Variants in SMCO2 observed in about 807,000 individuals in gnomAD.
SMCO2 encodes single-pass membrane and coiled-coil domain-containing protein 2.
A neutral mutation model predicts 29.5 loss-of-function variants in SMCO2; 25 were observed. The observed-to-expected ratio is 0.85, with a 90% CI of 0.62 to 1.18. The LOEUF is 1.18. SMCO2 is among the 50% of genes most tolerant of loss of function. The pLI is 0.00. For missense variants in SMCO2, 348 were observed against 344.5 expected (o/e 1.01, Z -0.08); for synonymous variants, 117 against 123.3 (o/e 0.95, Z 0.34).
intron 7 of SMCO2, among the ~76,000 whole-genome samples, chr12:27,501,138 C>A (rs545076026): frequency 6.6e-6 from 1 of 150,386 alleles, no homozygotes; most frequent in African/African-American, 2.5e-5. Context: ...TTCTATTGGC[C>A]GGGCGCGGTG....
chr12:27,450,962 C>T, the SMCO2 span, among the ~76,000 whole-genome samples: 8 of 152,140 alleles, frequency 5.3e-5, no homozygotes, highest in Admixed American at 3.3e-4. Context: ...ATTTTAGAAG[C>T]TTTAGGAGAC....
chr12:27,431,866 A>G, the SMCO2 span, among the ~76,000 whole-genome samples: 1 of 152,156 alleles, frequency 6.6e-6, no homozygotes, highest in Non-Finnish European at 1.5e-5. Flanking sequence ...ACCATTTTAC[A>G]TTGCAATCAC....
chr12:27,433,506 TAC>T, the SMCO2 span, among the ~76,000 whole-genome samples: 7,212 of 147,876 alleles, frequency 0.049, 238 homozygotes, highest in East Asian at 0.13. Flanking sequence ...CAGATGTGTA[TAC>T]ACACACACAC....
chr12:27,439,539 C>T, the SMCO2 span, among the ~76,000 whole-genome samples: 1 of 152,126 alleles, frequency 6.6e-6, no homozygotes, highest in Non-Finnish European at 1.5e-5. Context: ...AATTTGTGAG[C>T]TCCCCAACCA....
the SMCO2 span, among the ~76,000 whole-genome samples, chr12:27,445,766 AC>A: frequency 6.6e-6 from 1 of 152,336 alleles, no homozygotes; most frequent in South Asian, 2.1e-4. Context: ...GGTGGCTTAA[AC>A]AACAGAAATT....
exon 2 of SMCO2, chr12:27,470,641 A>T: frequency 6.4e-6 from 10 of 1,550,992 alleles, no homozygotes; most frequent in Non-Finnish European, 8.7e-6. Flanking sequence ...AATGGCTCTC[A>T]CGCCCACAAA....
chr12:27,501,442 C>CAAACA (rs1158773055), intron 7 of SMCO2, among the ~76,000 whole-genome samples: 3 of 131,082 alleles, frequency 2.3e-5, no homozygotes, highest in Non-Finnish European at 4.8e-5. Flanking sequence ...AAAAAACAAA[C>CAAACA]AAACAAAACA....
At chr12:27,489,363 CTTA>C (rs1320946535) in intron 5 of SMCO2, among the ~76,000 whole-genome samples, 1 of 152,096 alleles carries the variant, frequency 6.6e-6, no homozygotes, top group African/African-American at 2.4e-5. Flanking sequence ...GTTCCATTTT[CTTA>C]TTAGTAATAG....
At chr12:27,459,187 A>G in the SMCO2 span, among the ~76,000 whole-genome samples, 4 of 9,694 alleles carry the variant, frequency 4.1e-4, no homozygotes, top group African/African-American at 1.8e-3. Context: ...ACTCCATCTC[A>G]AAAAAAAAAA....
the SMCO2 span, chr12:27,423,337 TTTTTTTTTTTG>T: frequency 7.1e-6 from 1 of 140,934 alleles, no homozygotes; most frequent in African/African-American, 2.7e-5. Context: ...TTTTTTTTTT[TTTTTTTTTTTG>T]AGATGGAGTC....
At chr12:27,461,439 T>C in the SMCO2 span, among the ~76,000 whole-genome samples, 12 of 152,300 alleles carry the variant, frequency 7.9e-5, no homozygotes, top group African/African-American at 2.9e-4. Context: ...CCAGCGTCTG[T>C]TGTTCCCTCC....
chr12:27,493,462 G>T (rs1942954963), intron 5 of SMCO2, among the ~76,000 whole-genome samples: 1 of 152,084 alleles, frequency 6.6e-6, no homozygotes, highest in South Asian at 2.1e-4. Flanking sequence ...AGCCTGGGGA[G>T]ATGGAGGCTG....
the SMCO2 span, among the ~76,000 whole-genome samples, chr12:27,439,809 AAAG>A: frequency 6.6e-6 from 1 of 152,150 alleles, no homozygotes; most frequent in Non-Finnish European, 1.5e-5. Context: ...GAAAAAAGAA[AAAG>A]AAGAACAAGG....
the SMCO2 span, among the ~76,000 whole-genome samples, chr12:27,431,100 C>G: frequency 6.6e-6 from 1 of 152,032 alleles, no homozygotes; most frequent in African/African-American, 2.4e-5. Context: ...ACTGCAACCT[C>G]CGCCTCCTGG....
chr12:27,429,625 T>C, the SMCO2 span, among the ~76,000 whole-genome samples: 1 of 152,138 alleles, frequency 6.6e-6, no homozygotes, highest in East Asian at 1.9e-4. Context: ...AGAATGAGTA[T>C]AGAATAGGAA....
intron 7 of SMCO2, chr12:27,497,711 T>C (rs2616344): frequency 0.2 from 29,869 of 150,674 alleles, 5,149 homozygotes; most frequent in African/African-American, 0.43. Flanking sequence ...CCAGTTTGGG[T>C]AACAGAGTGA....
chr12:27,466,502 G>A (rs1949499690), upstream of SMCO2, among the ~76,000 whole-genome samples: 1 of 152,264 alleles, frequency 6.6e-6, no homozygotes, highest in South Asian at 2.1e-4. Context: ...TTGAGCCTCT[G>A]TGGGAAAGCC....
chr12:27,488,956 G>A (rs554366777), intron 5 of SMCO2, among the ~76,000 whole-genome samples: 2 of 152,282 alleles, frequency 1.3e-5, no homozygotes, highest in African/African-American at 2.4e-5. Context: ...AAGAGTTCTT[G>A]TGTTGGTTTT....
chr12:27,475,833 T>G, intron 4 of SMCO2, 102 bp downstream of exon 5: 1 of 1,115,410 alleles, frequency 9.0e-7, no homozygotes, highest in East Asian at 3.0e-5. Flanking sequence ...CTTTAGGCCA[T>G]AGGTATACTT....
Sources: allele counts gnomAD v4.1 joint callset (sites outside exome capture counted in the v4.1 genomes callset), GRCh38; gene constraint gnomAD v4.1.1; transcripts MANE v1.5; gene names NCBI Gene and HGNC (gene_info 2026-07-23, HGNC 2026-07-21).